NUBPL: variants seen among roughly 807,000 people sequenced by gnomAD.
The protein encoded by NUBPL is NUBP iron-sulfur cluster assembly factor, mitochondrial, also known as iron-sulfur cluster transfer protein NUBPL.
A neutral mutation model predicts 45.7 loss-of-function variants in NUBPL; 31 were observed. The ratio of observed to expected loss-of-function variants is 0.68; its 90% confidence interval spans 0.51 to 0.92. NUBPL has a LOEUF of 0.92. NUBPL is among the 40% of genes least tolerant of loss of function. The pLI, the probability that NUBPL is intolerant of heterozygous loss-of-function variation, is 0.00. For missense variants in NUBPL, 401 were observed against 398.7 expected, an observed-to-expected ratio of 1.01 and a Z score of -0.05; for synonymous variants, 144 against 140.9, an observed-to-expected ratio of 1.02 and a Z score of -0.15.
At chr14:31,660,354 G>A (rs967732395) in intron 4 of NUBPL, among the ~76,000 whole-genome samples, 10 of 152,134 alleles carry the variant, frequency 6.6e-5, no homozygotes, top group Admixed American at 5.9e-4. Flanking sequence ...GTTCTTCTGA[G>A]AGAACAATTA....
At chr14:31,817,434 T>G (rs1209898536) in intron 7 of NUBPL, among the ~76,000 whole-genome samples, 2 of 152,088 alleles carry the variant, frequency 1.3e-5, no homozygotes, top group African/African-American at 4.8e-5. Flanking sequence ...GAGAGAAAGG[T>G]CGGGTTACCC....
intron 7 of NUBPL, among the ~76,000 whole-genome samples, chr14:31,810,713 C>G (rs531663430): frequency 1.8e-4 from 27 of 152,288 alleles, no homozygotes; most frequent in African/African-American, 5.5e-4. Context: ...TTCCTAGCAT[C>G]AATGGTCTTT....
At chr14:31,611,901 C>T (rs938616857) in intron 4 of NUBPL, among the ~76,000 whole-genome samples, 1 of 152,208 alleles carries the variant, frequency 6.6e-6, no homozygotes, top group African/African-American at 2.4e-5. Context: ...CCCTATCTCT[C>T]ACCATATGCA....
chr14:31,578,820 T>A (rs2033787337), intron 3 of NUBPL, among the ~76,000 whole-genome samples: 1 of 152,200 alleles, frequency 6.6e-6, no homozygotes, highest in Non-Finnish European at 1.5e-5. Flanking sequence ...ATTCAGTGAA[T>A]GATAAAGTAC....
intron 8 of NUBPL, among the ~76,000 whole-genome samples, chr14:31,841,313 A>G (rs1240149892): frequency 1.3e-5 from 2 of 152,230 alleles, no homozygotes; most frequent in Non-Finnish European, 2.9e-5. Flanking sequence ...TGAAACAATG[A>G]ATCTTACTTG....
intron 4 of NUBPL, among the ~76,000 whole-genome samples, chr14:31,650,616 C>T (rs919680792): frequency 1.3e-5 from 2 of 152,132 alleles, no homozygotes; most frequent in Non-Finnish European, 2.9e-5. Context: ...TGAAAAAATA[C>T]TGTCTCCATA....
intron 6 of NUBPL, among the ~76,000 whole-genome samples, chr14:31,687,248 AT>A (rs1379938516): frequency 6.6e-6 from 1 of 152,180 alleles, no homozygotes; most frequent in Non-Finnish European, 1.5e-5. Flanking sequence ...TTTTTTGCAG[AT>A]TTGGAACAAC....
chr14:31,595,175 A>G lies in NUBPL; in HGVS notation c.292-4114A>G, dbSNP rs185325787. ...CTTGCAGTAGTAGTGAAACAGTATA[A>G]TTACTCTTGAATAATTCTGCCACCT... On this transcript the variant is annotated intron_variant, in intron 3 of 10. Coordinates refer to ENST00000281081, the MANE Select transcript of NUBPL (RefSeq NM_025152.3). Among the ~76,000 whole-genome samples the G allele has an allele frequency of 1.3e-5, 2 of 152,256 alleles. 1 individual carries two copies. Among genetic ancestry groups the G allele is most frequent in the Admixed American group, 1.3e-4 (2 of 15,294 alleles).
intron 4 of NUBPL, among the ~76,000 whole-genome samples, chr14:31,632,254 T>TG (rs1157098144): frequency 6.6e-6 from 1 of 152,118 alleles, no homozygotes; most frequent in East Asian, 1.9e-4. Context: ...CCTGAAGAGT[T>TG]GGGGGGAAGG....
At chr14:31,661,836 G>A (rs2139772118) in intron 4 of NUBPL, among the ~76,000 whole-genome samples, 1 of 152,220 alleles carries the variant, frequency 6.6e-6, no homozygotes, top group South Asian at 2.1e-4. Flanking sequence ...CACTGCACCT[G>A]GCCCATTTCT....
chr14:31,641,965 G>A (rs1158463447), intron 4 of NUBPL, among the ~76,000 whole-genome samples: 2 of 151,896 alleles, frequency 1.3e-5, no homozygotes, highest in African/African-American at 2.4e-5. Flanking sequence ...ATACTTGTTG[G>A]CCTTTGTATG....
intron 3 of NUBPL, among the ~76,000 whole-genome samples, chr14:31,597,078 T>A (rs2034303167): frequency 6.6e-6 from 1 of 152,150 alleles, no homozygotes; most frequent in African/African-American, 2.4e-5. Context: ...CCGTCCTTAA[T>A]CCCTTTGCTC....
At chr14:31,567,046 A>C (rs2033453829) in intron 3 of NUBPL, among the ~76,000 whole-genome samples, 1 of 152,190 alleles carries the variant, frequency 6.6e-6, no homozygotes, top group African/African-American at 2.4e-5. Context: ...TTATTTCTTT[A>C]ATTTCCAAAA....
intron 4 of NUBPL, among the ~76,000 whole-genome samples, chr14:31,648,098 T>C (rs2035904441): frequency 6.6e-6 from 1 of 152,216 alleles, no homozygotes; most frequent in African/African-American, 2.4e-5. Context: ...TGTTGTATCT[T>C]TTCTGTCAGC....
chr14:31,609,630 C>T (rs1462808051), intron 4 of NUBPL, among the ~76,000 whole-genome samples: 2 of 152,088 alleles, frequency 1.3e-5, no homozygotes, highest in African/African-American at 4.8e-5. Flanking sequence ...CATTCTTTTC[C>T]TCAGCACATG....
intron 7 of NUBPL, among the ~76,000 whole-genome samples, chr14:31,823,966 C>T (rs1003921031): frequency 6.6e-6 from 1 of 151,932 alleles, no homozygotes; most frequent in African/African-American, 2.4e-5. Flanking sequence ...CAAAGTAAAT[C>T]AAAATAGAAG....
chr14:31,755,841 T>G (rs2038648204), intron 6 of NUBPL, among the ~76,000 whole-genome samples: 1 of 150,772 alleles, frequency 6.6e-6, no homozygotes, highest in Non-Finnish European at 1.5e-5. Flanking sequence ...GGTCTAACGT[T>G]TAAGTCTTTA....
intron 7 of NUBPL, among the ~76,000 whole-genome samples, chr14:31,804,013 C>G (rs1256096599): frequency 6.6e-6 from 1 of 152,158 alleles, no homozygotes; most frequent in African/African-American, 2.4e-5. Context: ...CCCACCTTAG[C>G]CTCCCAAGTA....
At position 31,716,311 on chromosome 14, in the gene NUBPL, C is replaced by A. The variant is rs143551895; in HGVS notation, c.513+42737C>A. Among the ~76,000 whole-genome samples the A allele has an allele frequency of 3.3e-5, 5 of 152,300 alleles. 1 individual carries two copies. Among genetic ancestry groups the A allele is most frequent in the African/African-American group, 9.6e-5 (4 of 41,554 alleles). On this transcript the variant is annotated intron_variant, in intron 6 of 10. Coordinates refer to ENST00000281081, the MANE Select transcript of NUBPL (RefSeq NM_025152.3). ...TATACTGTAGTAAATAAACCAGTGACATGGTCCTTTATTATCATCATCACC... is the reference window on the plus strand; with the variant it reads ...TATACTGTAGTAAATAAACCAGTGAAATGGTCCTTTATTATCATCATCACC...
Sources: allele counts gnomAD v4.1 joint callset (sites outside exome capture counted in the v4.1 genomes callset), GRCh38; gene constraint gnomAD v4.1.1; transcripts MANE v1.5; gene names NCBI Gene and HGNC (gene_info 2026-07-23, HGNC 2026-07-21).